ZNF407: variants seen among roughly 807,000 people sequenced by gnomAD.
ZNF407 encodes zinc finger protein 407.
Under a neutral mutation model 131.2 loss-of-function variants are expected in ZNF407, and 17 were observed. The ratio of observed to expected loss-of-function variants is 0.13; its 90% CI spans 0.09 to 0.19. The LOEUF is 0.19. ZNF407 is among the 10% of genes least tolerant of loss of function. The pLI is 1.00. For synonymous variants in ZNF407, 1,156 were observed against 1,062.0 expected, an observed-to-expected ratio of 1.09 and a Z score of -1.72; for missense variants, 2,681 against 2,830.6, an observed-to-expected ratio of 0.95 and a Z score of 1.20.
chr18:75,046,448 TCCA>T (rs1037979613), intron 8 of ZNF407, among the ~76,000 whole-genome samples: 11 of 152,174 alleles, frequency 7.2e-5, no homozygotes, highest in African/African-American at 2.4e-4. Context: ...TGTGCATCCC[TCCA>T]CTCATTTTAG....
chr18:74,674,531 C>G (rs471821), intron 3 of ZNF407, among the ~76,000 whole-genome samples: 3,523 of 152,266 alleles, frequency 0.023, 147 homozygotes, highest in African/African-American at 0.08. Flanking sequence ...TTCTCTGACA[C>G]CATAGTATCC....
At chr18:74,745,623 T>C (rs969006147) in intron 3 of ZNF407, among the ~76,000 whole-genome samples, 4 of 152,222 alleles carry the variant, frequency 2.6e-5, no homozygotes, top group Admixed American at 2.0e-4. Flanking sequence ...CGTATTTGTT[T>C]TATGTTAGTT....
intron 8 of ZNF407, among the ~76,000 whole-genome samples, chr18:75,021,654 A>G (rs1973112115): frequency 6.6e-6 from 1 of 152,142 alleles, no homozygotes; most frequent in South Asian, 2.1e-4. Flanking sequence ...GAGACTTACT[A>G]GGATAGCAGT....
At chr18:74,859,887 T>A (rs1488131620) in intron 4 of ZNF407, among the ~76,000 whole-genome samples, 1 of 152,130 alleles carries the variant, frequency 6.6e-6, no homozygotes, top group Non-Finnish European at 1.5e-5. Flanking sequence ...ATACTTGAAC[T>A]TTTTTCCTTC....
chr18:74,659,437 C>T (rs1985618202), intron 3 of ZNF407, among the ~76,000 whole-genome samples: 1 of 152,052 alleles, frequency 6.6e-6, no homozygotes, highest in Admixed American at 6.5e-5. Context: ...TTCAGTTTTA[C>T]TTAGCTAAAA....
intron 7 of ZNF407, among the ~76,000 whole-genome samples, chr18:74,899,517 T>C (rs1225588200): frequency 1.3e-5 from 2 of 152,170 alleles, no homozygotes; most frequent in Non-Finnish European, 2.9e-5. Flanking sequence ...TGGTCTGGGA[T>C]GAGCTGCTTA....
intron 3 of ZNF407, among the ~76,000 whole-genome samples, chr18:74,745,459 T>C (rs747430886): frequency 3.9e-5 from 6 of 152,216 alleles, no homozygotes; most frequent in Non-Finnish European, 4.4e-5. Flanking sequence ...ATTTAGATGC[T>C]GTTAAAGCAT....
intron 3 of ZNF407, among the ~76,000 whole-genome samples, chr18:74,690,305 A>G (rs1967189807): frequency 6.6e-6 from 1 of 152,214 alleles, no homozygotes; most frequent in African/African-American, 2.4e-5. Context: ...AAAGTTAGAA[A>G]GATGTAATTA....
intron 4 of ZNF407, among the ~76,000 whole-genome samples, chr18:74,857,069 A>G (rs1970869304): frequency 6.6e-6 from 1 of 152,236 alleles, no homozygotes; most frequent in Non-Finnish European, 1.5e-5. Context: ...ACGGGTAAAG[A>G]TCTTACAGCG....
At position 74,933,297 on chromosome 18, in the gene ZNF407, G is replaced by T. The variant is rs563281094; in HGVS notation, c.5428+12605G>T. Reference sequence around the variant, plus strand: ...TTAAACAAGCCAGTCACACAAGATGGCTTACATTGATAAGTATAATTGCAT... The same window carrying T: ...TTAAACAAGCCAGTCACACAAGATGTCTTACATTGATAAGTATAATTGCAT... On this transcript the variant is annotated intron_variant, in intron 8 of 8. Coordinates refer to ENST00000299687, the MANE Select transcript of ZNF407 (RefSeq NM_017757.3). Among the ~76,000 whole-genome samples, 4 of 152,300 alleles carry T rather than the reference G, an allele frequency of 2.6e-5. No individual in the cohort carries two copies. The South Asian group carries it at 6.2e-4, about 24-fold the overall frequency.
intron 6 of ZNF407, among the ~76,000 whole-genome samples, chr18:74,883,665 A>G (rs1427945838): frequency 6.6e-6 from 1 of 152,142 alleles, no homozygotes; most frequent in Non-Finnish European, 1.5e-5. Context: ...AGCCCGCCCA[A>G]AAGAATGTGG....
At chr18:74,758,998 C>T (rs1325186991) in intron 3 of ZNF407, among the ~76,000 whole-genome samples, 3 of 152,088 alleles carry the variant, frequency 2.0e-5, no homozygotes, top group Admixed American at 6.5e-5. Flanking sequence ...TAAAGAACTG[C>T]GCTTAGTATT....
chr18:74,679,592 G>C (rs541136265), intron 3 of ZNF407, among the ~76,000 whole-genome samples: 3 of 152,302 alleles, frequency 2.0e-5, no homozygotes, highest in Admixed American at 2.0e-4. Flanking sequence ...GTATCCTCAA[G>C]TATCTGCTTA....
chr18:74,856,249 G>A (rs1970857407), intron 4 of ZNF407, among the ~76,000 whole-genome samples: 1 of 152,162 alleles, frequency 6.6e-6, no homozygotes, highest in Non-Finnish European at 1.5e-5. Context: ...AAATAATATG[G>A]AATACAGCTT....
intron 8 of ZNF407, among the ~76,000 whole-genome samples, chr18:75,004,455 G>T (rs377152362): frequency 1.3e-5 from 2 of 152,166 alleles, no homozygotes; most frequent in Non-Finnish European, 2.9e-5. Flanking sequence ...GGACAGGCCC[G>T]TGCCACCGAA....
chr18:74,643,111 G>A (rs1340110608), intron 3 of ZNF407, among the ~76,000 whole-genome samples: 1 of 152,032 alleles, frequency 6.6e-6, no homozygotes, highest in Non-Finnish European at 1.5e-5. Context: ...AAAGGGATAG[G>A]GCAGTGTGTA....
intron 1 of ZNF407, among the ~76,000 whole-genome samples, chr18:74,630,505 T>C (rs759340553): frequency 2.6e-5 from 4 of 152,198 alleles, no homozygotes; most frequent in Non-Finnish European, 4.4e-5. Flanking sequence ...TTCTTTTACA[T>C]AGGACTTGGG....
chr18:74,956,205 C>A (rs571514362), intron 8 of ZNF407, among the ~76,000 whole-genome samples: 2 of 152,076 alleles, frequency 1.3e-5, no homozygotes, highest in African/African-American at 2.4e-5. Flanking sequence ...TTTTAGTATC[C>A]TCCTGTCTGT....
chr18:74,797,388 TTGTC>T (rs1290050649), intron 4 of ZNF407, among the ~76,000 whole-genome samples: 2 of 152,244 alleles, frequency 1.3e-5, no homozygotes, highest in African/African-American at 4.8e-5. Context: ...CTAAGTCTAT[TTGTC>T]TGTGACCTGC....
Sources: allele counts gnomAD v4.1 joint callset (sites outside exome capture counted in the v4.1 genomes callset), GRCh38; gene constraint gnomAD v4.1.1; transcripts MANE v1.5; gene names NCBI Gene and HGNC (gene_info 2026-07-23, HGNC 2026-07-21).